Variants in FANK1 observed in about 807,000 individuals in gnomAD.
FANK1 encodes fibronectin type III and ankyrin repeat domains 1.
FANK1 carries 44 observed loss-of-function variants against 45.3 expected under a neutral mutation model. That is an observed-to-expected ratio of 0.97 (90% confidence interval 0.76 to 1.25). The LOEUF is 1.25. FANK1 is among the 50% of genes most tolerant of loss of function. The pLI, the probability that FANK1 is intolerant of heterozygous loss-of-function variation, is 0.00. For missense variants in FANK1, 391 were observed against 424.4 expected (o/e 0.92, Z 0.69); for synonymous variants, 149 against 152.5 (o/e 0.98, Z 0.17).
chr10:125,922,193 C>T (rs578128217), intron 1 of FANK1, among the ~76,000 whole-genome samples: 5 of 152,250 alleles, frequency 3.3e-5, no homozygotes, highest in South Asian at 2.1e-4. Context: ...TTTAGAAGTA[C>T]GCCATTTAAC....
chr10:125,990,590 T>C lies in FANK1; in HGVS notation c.316+1915T>C, dbSNP rs571914573. Reference sequence around the variant, plus strand: ...GTGAATATGGTTGGTTCTGCAGCCTTCCATTGTGGGCTTCAGGTGGCCTCT... The same window carrying C: ...GTGAATATGGTTGGTTCTGCAGCCTCCCATTGTGGGCTTCAGGTGGCCTCT... On this transcript the variant is annotated intron_variant, in intron 3 of 10. Coordinates refer to ENST00000368693, the MANE Select transcript of FANK1 (RefSeq NM_145235.5). Among the ~76,000 whole-genome samples the C allele has an allele frequency of 8.5e-5, 13 of 152,222 alleles. No individual in the cohort carries two copies. The East Asian group carries it at 1.9e-3, about 23-fold the overall frequency.
chr10:125,949,761 A>G lies in FANK1; in HGVS notation c.14-30400A>G, dbSNP rs1224724778. Among the ~76,000 whole-genome samples, 4 of 150,374 alleles carry G rather than the reference A, an allele frequency of 2.7e-5. No individual in the cohort carries two copies. The Admixed American group carries it at 2.7e-4, about 10-fold the overall frequency. On this transcript the variant is annotated intron_variant, in intron 1 of 10. Transcript: ENST00000368693. ...ACTTTCTTCACAGAATTGGAAAAAAACTACTTTAAAGTTCATATGGAACCA... is the reference window on the plus strand; with the variant it reads ...ACTTTCTTCACAGAATTGGAAAAAAGCTACTTTAAAGTTCATATGGAACCA...
Position 125,904,194 on chromosome 10 carries a change from A to G in FANK1, c.13+7539A>G, listed in dbSNP as rs145904524. On this transcript the variant is annotated intron_variant, in intron 1 of 10. Transcript: ENST00000368693. The stretch of plus-strand genomic sequence containing the variant: ...ACCTATCTTCTACTCATGAAAAGTC[A>G]ATCATTTTTTTAAAAAAAGATTCCA... Among the ~76,000 whole-genome samples the G allele has an allele frequency of 9.3e-3, 1,416 of 152,190 alleles. 13 individuals are homozygous for G. The highest frequency in any genetic ancestry group is 0.034 in the Middle Eastern group (10 of 294).
At chr10:125,919,127 A>G (rs1245248431) in intron 1 of FANK1, among the ~76,000 whole-genome samples, 9 of 149,686 alleles carry the variant, frequency 6.0e-5, no homozygotes, top group African/African-American at 2.0e-4. Flanking sequence ...CTGCTAATGC[A>G]TTGGCCTGGG....
rs370651092 is a variant in FANK1 at position 125,985,538 on chromosome 10, C to T, written c.192-3013C>T. Among the ~76,000 whole-genome samples, 12 of 152,248 alleles carry T rather than the reference C, an allele frequency of 7.9e-5. No homozygotes were observed. In the South Asian group the frequency reaches 2.3e-3, roughly 29 times the overall value. On this transcript the variant is annotated intron_variant, in intron 2 of 10. Coordinates refer to ENST00000368693, the MANE Select transcript of FANK1 (RefSeq NM_145235.5). The stretch of plus-strand genomic sequence containing the variant: ...GTTTATATCAATTTTTAACACTTAT[C>T]TACTTCTCGGTTTCTTGATCGAAAA...
intron 1 of FANK1, among the ~76,000 whole-genome samples, chr10:125,913,205 C>T (rs1158656389): frequency 1.3e-5 from 2 of 152,184 alleles, no homozygotes; most frequent in African/African-American, 4.8e-5. Context: ...TCTAAAGATA[C>T]TGGTAATTCT....
At chr10:125,929,747 A>T (rs1947624206) in intron 1 of FANK1, among the ~76,000 whole-genome samples, 1 of 152,208 alleles carries the variant, frequency 6.6e-6, no homozygotes, top group Non-Finnish European at 1.5e-5. Context: ...GAAGGGATTT[A>T]TAGAAAATGA....
chr10:125,922,555 T>C lies in FANK1; in HGVS notation c.13+25900T>C, dbSNP rs182513990. ...GTTTTGAGACAGGGTCTCACTCTGT[T>C]GCCCAGGCTGGAGCACAGTGGCATG... On this transcript the variant is annotated intron_variant, in intron 1 of 10. Coordinates refer to ENST00000368693, the MANE Select transcript of FANK1 (RefSeq NM_145235.5). Among the ~76,000 whole-genome samples the C allele has an allele frequency of 2.8e-3, 426 of 152,338 alleles. 11 individuals are homozygous for C. The highest frequency in any genetic ancestry group is 6.0e-4 in the Non-Finnish European group (41 of 68,028).
chr10:125,904,058 T>A (rs1945277057), intron 1 of FANK1, among the ~76,000 whole-genome samples: 1 of 152,080 alleles, frequency 6.6e-6, no homozygotes, highest in Non-Finnish European at 1.5e-5. Flanking sequence ...GAGTCTCTCT[T>A]TGTTCCCCAG....
At chr10:125,903,812 C>A (rs1945254479) in intron 1 of FANK1, among the ~76,000 whole-genome samples, 2 of 151,958 alleles carry the variant, frequency 1.3e-5, no homozygotes, top group African/African-American at 2.4e-5. Flanking sequence ...CAGCCTCTCT[C>A]TCTCTATATA....
chr10:125,969,934 G>C (rs141988694), intron 1 of FANK1, among the ~76,000 whole-genome samples: 2,941 of 152,244 alleles, frequency 0.019, 118 homozygotes, highest in African/African-American at 0.067. Context: ...AGAGAGCATG[G>C]GGTTGGGGGT....
chr10:125,980,390 G>T, intron 2 of FANK1, 52 bp downstream of exon 2: 1 of 1,552,878 alleles, frequency 6.4e-7, no homozygotes, highest in Non-Finnish European at 8.7e-7. Flanking sequence ...CTGATTAGCT[G>T]GAATGATTTC....
chr10:126,009,297 A>G, intron 10 of FANK1, 31 bp downstream of exon 10: 1 of 1,614,138 alleles, frequency 6.2e-7, no homozygotes, highest in Non-Finnish European at 8.5e-7. Context: ...TATCAAGGCT[A>G]ATTTTTAGTC....
chr10:125,943,363 C>T (rs2134156190), intron 1 of FANK1, among the ~76,000 whole-genome samples: 1 of 152,072 alleles, frequency 6.6e-6, no homozygotes, highest in South Asian at 2.1e-4. Flanking sequence ...TACCACAAAA[C>T]TCACCCTTTA....
intron 1 of FANK1, among the ~76,000 whole-genome samples, chr10:125,968,176 GTC>G (rs1025516849): frequency 4.3e-4 from 65 of 152,036 alleles, no homozygotes; most frequent in African/African-American, 1.5e-3. Flanking sequence ...GCCTAGGCTG[GTC>G]TCTTCCTGGC....
intron 6 of FANK1, among the ~76,000 whole-genome samples, chr10:125,997,752 C>T (rs943543763): frequency 6.6e-6 from 1 of 152,200 alleles, no homozygotes; most frequent in African/African-American, 2.4e-5. Flanking sequence ...AGTGGACACG[C>T]AGTGCACGGG....
Position 125,901,940 on chromosome 10 carries a change from C to G in FANK1, c.13+5285C>G, listed in dbSNP as rs200551471. On this transcript the variant is annotated intron_variant, in intron 1 of 10. Transcript: ENST00000368693. Reference sequence around the variant, plus strand: ...GTTTGAGACCAGTCTGGCCAACTGGCGAAACCCCGTCTCTACTAAAAATAC... The same window carrying G: ...GTTTGAGACCAGTCTGGCCAACTGGGGAAACCCCGTCTCTACTAAAAATAC... Among the ~76,000 whole-genome samples the G allele has an allele frequency of 7.2e-5, 11 of 152,244 alleles. No homozygotes were observed. The South Asian group carries it at 1.7e-3, about 23-fold the overall frequency.
chr10:125,986,721 G>C (rs1256925423), intron 2 of FANK1, among the ~76,000 whole-genome samples: 1 of 152,188 alleles, frequency 6.6e-6, no homozygotes, highest in Non-Finnish European at 1.5e-5. Context: ...ACCTCAACCA[G>C]AGGACACTGT....
chr10:125,917,846 G>C (rs1204077753), intron 1 of FANK1, among the ~76,000 whole-genome samples: 1 of 152,312 alleles, frequency 6.6e-6, no homozygotes, highest in Non-Finnish European at 1.5e-5. Context: ...ATCTTGGAAG[G>C]ATAAGGCGGG....
Sources: allele counts gnomAD v4.1 joint callset (sites outside exome capture counted in the v4.1 genomes callset), GRCh38; gene constraint gnomAD v4.1.1; transcripts MANE v1.5; gene names NCBI Gene and HGNC (gene_info 2026-07-23, HGNC 2026-07-21).